DTD1: variants seen among roughly 807,000 people sequenced by gnomAD.
The protein encoded by DTD1 is D-tyrosyl-tRNA deacylase 1 homolog.
Under a neutral mutation model 25.6 loss-of-function variants are expected in DTD1, and 13 were observed. The observed-to-expected ratio is 0.51, with a 90% CI of 0.33 to 0.81. The LOEUF (loss-of-function observed/expected upper bound fraction) is 0.81, where lower values mean the gene tolerates loss of function less well. Among genes scored for constraint, DTD1 ranks in the 30% least tolerant of loss-of-function variants. The probability of loss-of-function intolerance (pLI) is 0.02; values close to 1 mark genes in which losing one functional copy is unlikely to be tolerated. For synonymous variants in DTD1, 110 were observed against 103.6 expected (o/e 1.06, Z -0.37); for missense variants, 193 against 266.4 (o/e 0.72, Z 1.92).
chr20:18,684,822 A>C (rs990055834), intron 4 of DTD1, among the ~76,000 whole-genome samples: 1 of 152,084 alleles, frequency 6.6e-6, no homozygotes, highest in Non-Finnish European at 1.5e-5. Flanking sequence ...TACATGTTGG[A>C]GCTAAAGTCG....
At chr20:18,684,046 C>T (rs1233649820) in intron 4 of DTD1, among the ~76,000 whole-genome samples, 1 of 152,118 alleles carries the variant, frequency 6.6e-6, no homozygotes, top group African/African-American at 2.4e-5. Flanking sequence ...GGAAAGTGGG[C>T]CTTTGTTATG....
intron 4 of DTD1, among the ~76,000 whole-genome samples, chr20:18,714,886 C>A (rs779033914): frequency 2.6e-5 from 4 of 152,194 alleles, no homozygotes; most frequent in Admixed American, 6.5e-5. Flanking sequence ...GACACTCCTG[C>A]CCCTTCAGCC....
In DTD1 at chr20:18,748,807, G is replaced by A. The variant is rs548538872; in HGVS notation, c.*19+4536G>A. On this transcript the variant is annotated intron_variant, in intron 5 of 5. Coordinates refer to ENST00000377452, the MANE Select transcript of DTD1 (RefSeq NM_080820.6). ...ATGTATTTATTTCCTTCTCACGGTA[G>A]TGCAGATTAGGTAGCATAGAACTTG... Among the ~76,000 whole-genome samples, 5 of 152,282 alleles carry A rather than the reference G, an allele frequency of 3.3e-5. No individual in the cohort carries two copies. The East Asian group carries it at 5.8e-4, about 18-fold the overall frequency.
In DTD1 at chr20:18,705,080, T is replaced by G. The variant is rs1422206710; in HGVS notation, c.478-39020T>G. On this transcript the variant is annotated intron_variant, in intron 4 of 5. Transcript: ENST00000377452. ...CACATTTCTTATGCTTGACAGCCAT[T>G]TGTGACTTCTGTACTGGATAGTGCA... Among the ~76,000 whole-genome samples the G allele has an allele frequency of 2.0e-5, 3 of 152,178 alleles. No homozygotes were observed. The East Asian group carries it at 5.8e-4, about 29-fold the overall frequency.
intron 4 of DTD1, among the ~76,000 whole-genome samples, chr20:18,717,259 T>C (rs1222147965): frequency 6.6e-6 from 1 of 152,196 alleles, no homozygotes; most frequent in Non-Finnish European, 1.5e-5. Flanking sequence ...GAGTTCACCA[T>C]AGTAGTAACA....
intron 1 of DTD1, among the ~76,000 whole-genome samples, chr20:18,590,463 A>G (rs762877726): frequency 2.6e-5 from 4 of 151,718 alleles, no homozygotes; most frequent in African/African-American, 4.8e-5. Context: ...GATTTCTCCA[A>G]TTGGCTAATT....
chr20:18,689,167 G>A (rs1383888961), intron 4 of DTD1, among the ~76,000 whole-genome samples: 2 of 152,166 alleles, frequency 1.3e-5, no homozygotes, highest in Non-Finnish European at 2.9e-5. Context: ...TTTTAGGCTT[G>A]TATTTGGGAA....
At chr20:18,693,397 C>T (rs1438588843) in intron 4 of DTD1, among the ~76,000 whole-genome samples, 4 of 152,052 alleles carry the variant, frequency 2.6e-5, no homozygotes, top group African/African-American at 9.7e-5. Flanking sequence ...TGGCTCATGC[C>T]TGTAATCCCA....
intron 4 of DTD1, among the ~76,000 whole-genome samples, chr20:18,666,186 A>G (rs1242550977): frequency 1.3e-5 from 2 of 152,206 alleles, no homozygotes; most frequent in African/African-American, 2.4e-5. Context: ...TCTGGGTCCA[A>G]GGTTTTTCTA....
At chr20:18,710,867 G>GC (rs1377279627) in intron 4 of DTD1, among the ~76,000 whole-genome samples, 1 of 152,138 alleles carries the variant, frequency 6.6e-6, no homozygotes, top group Non-Finnish European at 1.5e-5. Context: ...TGAATCATGG[G>GC]CCCGTTTTCC....
chr20:18,671,165 T>G lies in DTD1; in HGVS notation c.477+42932T>G, dbSNP rs576298505. Among the ~76,000 whole-genome samples the G allele has an allele frequency of 2.6e-5, 4 of 152,366 alleles. No homozygotes were observed. The East Asian group carries it at 7.7e-4, about 29-fold the overall frequency. On this transcript the variant is annotated intron_variant, in intron 4 of 5. Transcript: ENST00000377452. ...GCTGCCACTTCACATGACATTCTCATGTAAGGGGCCTCTTTCTCATTCTCT... is the reference window on the plus strand; with the variant it reads ...GCTGCCACTTCACATGACATTCTCAGGTAAGGGGCCTCTTTCTCATTCTCT...
intron 4 of DTD1, among the ~76,000 whole-genome samples, chr20:18,724,817 T>A (rs931064175): frequency 6.6e-6 from 1 of 152,260 alleles, no homozygotes; most frequent in African/African-American, 2.4e-5. Context: ...TTCATTTCTG[T>A]GTAAGATTTC....
chr20:18,758,433 A>G (rs1600226619), intron 5 of DTD1, among the ~76,000 whole-genome samples: 1 of 150,950 alleles, frequency 6.6e-6, no homozygotes, highest in East Asian at 1.9e-4. Flanking sequence ...CCCTCTACAC[A>G]CTGCTTTGAA....
At chr20:18,739,760 C>T (rs896869084) in intron 4 of DTD1, among the ~76,000 whole-genome samples, 3 of 151,942 alleles carry the variant, frequency 2.0e-5, no homozygotes, top group African/African-American at 7.3e-5. Flanking sequence ...AAAAAAAATC[C>T]AGCTGCTTTC....
chr20:18,618,067 C>T (rs2060716349), intron 3 of DTD1, among the ~76,000 whole-genome samples: 1 of 152,212 alleles, frequency 6.6e-6, no homozygotes, highest in South Asian at 2.1e-4. Flanking sequence ...TATGCCACTT[C>T]ATATGCAGTC....
At chr20:18,669,761 CG>C (rs905219628) in intron 4 of DTD1, among the ~76,000 whole-genome samples, 12 of 152,008 alleles carry the variant, frequency 7.9e-5, no homozygotes, top group African/African-American at 1.2e-4. Context: ...CAATCGCTCC[CG>C]GGGGGGTCTG....
At chr20:18,729,014 G>C (rs905793941) in intron 4 of DTD1, among the ~76,000 whole-genome samples, 41 of 152,190 alleles carry the variant, frequency 2.7e-4, no homozygotes, top group African/African-American at 9.4e-4. Flanking sequence ...TTGCTTGCTT[G>C]ATTGCTTAAG....
chr20:18,640,124 A>G (rs2060823156), intron 4 of DTD1, among the ~76,000 whole-genome samples: 1 of 149,586 alleles, frequency 6.7e-6, no homozygotes, highest in Non-Finnish European at 1.5e-5. Flanking sequence ...GTCTCTTATT[A>G]TCATAATTAC....
intron 5 of DTD1, among the ~76,000 whole-genome samples, chr20:18,752,446 C>T (rs545883239): frequency 6.6e-6 from 1 of 152,130 alleles, no homozygotes; most frequent in African/African-American, 2.4e-5. Flanking sequence ...ACTGATTCTT[C>T]CTTGGCTGTG....
Sources: gnomAD v4.1 joint callset for allele counts (sites outside exome capture counted in the v4.1 genomes callset) on GRCh38, gnomAD v4.1.1 for gene constraint, MANE v1.5 for transcripts, NCBI Gene and HGNC (gene_info 2026-07-23, HGNC 2026-07-21) for gene names.